Variants in EPM2A observed in about 807,000 individuals in gnomAD.
EPM2A encodes the protein laforin.
A neutral mutation model predicts 26.5 loss-of-function variants in EPM2A; 21 were observed. The observed-to-expected ratio is 0.79, with a 90% CI of 0.56 to 1.14. The LOEUF is 1.14. EPM2A is among the 50% of genes most tolerant of loss of function. EPM2A has a pLI of 0.00. For missense variants in EPM2A, 458 were observed against 440.8 expected (o/e 1.04, Z -0.35); for synonymous variants, 217 against 177.6 (o/e 1.22, Z -1.76).
At chr6:145,523,593 A>G (rs2114776224) in intron 2 of EPM2A, among the ~76,000 whole-genome samples, 1 of 152,260 alleles carries the variant, frequency 6.6e-6, no homozygotes, top group South Asian at 2.1e-4. Flanking sequence ...TGAACATAAG[A>G]CATACATACA....
At chr6:145,448,029 T>C (rs1289281210) in intron 4 of EPM2A, among the ~76,000 whole-genome samples, 1 of 152,142 alleles carries the variant, frequency 6.6e-6, no homozygotes, top group African/African-American at 2.4e-5. Flanking sequence ...GAATACTTAC[T>C]ATGTTTTCCG....
At chr6:145,395,616 C>T (rs985502064) in intron 4 of EPM2A, among the ~76,000 whole-genome samples, 1 of 152,256 alleles carries the variant, frequency 6.6e-6, no homozygotes. Flanking sequence ...AGTCCACTGA[C>T]CTGCTATAAG....
rs957960987 is a variant in EPM2A, at chr6:145,417,351, G to T, written c.556-33254C>A. Among the ~76,000 whole-genome samples the T allele has an allele frequency of 2.0e-5, 3 of 152,122 alleles. No individual in the cohort carries two copies. The East Asian group carries it at 5.8e-4, about 29-fold the overall frequency. ...GCCGCAGAATACAGCTCTCAAAACT[G>T]CCCGTCTCATAGATGCCTTGACCCA... On this transcript the variant is annotated intron_variant, in intron 4 of 4. Transcript: ENST00000638717.
At chr6:145,552,460 C>T (rs574195876) in intron 2 of EPM2A, among the ~76,000 whole-genome samples, 6 of 152,012 alleles carry the variant, frequency 3.9e-5, no homozygotes, top group South Asian at 2.1e-4. Flanking sequence ...AGAAAATCAC[C>T]GTCAGCCTAG....
At chr6:145,633,688 G>A (rs1776434515) in intron 3 of EPM2A, 1 of 152,228 alleles carries the variant, frequency 6.6e-6, no homozygotes, top group East Asian at 1.9e-4. Flanking sequence ...TTATCTTGCA[G>A]ACCATTCACT....
At chr6:145,729,835 T>A (rs867535281) in intron 1 of EPM2A, among the ~76,000 whole-genome samples, 2 of 152,172 alleles carry the variant, frequency 1.3e-5, no homozygotes, top group African/African-American at 2.4e-5. Context: ...GGAAGTGGAA[T>A]GATATGGTTT....
chr6:145,706,689 T>C (rs1005798640), intron 1 of EPM2A, among the ~76,000 whole-genome samples: 1 of 152,190 alleles, frequency 6.6e-6, no homozygotes, highest in Non-Finnish European at 1.5e-5. Context: ...TCCAAAGGAA[T>C]GTGTATACGC....
intron 2 of EPM2A, among the ~76,000 whole-genome samples, chr6:145,506,353 C>T (rs1250471960): frequency 6.6e-6 from 1 of 152,128 alleles, no homozygotes; most frequent in Non-Finnish European, 1.5e-5. Context: ...GAATTCCACT[C>T]CTGGCATTTT....
At chr6:145,402,711 C>T (rs183562824) in intron 4 of EPM2A, among the ~76,000 whole-genome samples, 22 of 152,192 alleles carry the variant, frequency 1.4e-4, no homozygotes, top group East Asian at 1.3e-3. Context: ...AGAGCACAGG[C>T]AAACGGATTA....
At chr6:145,446,070 A>C (rs6937347) in intron 4 of EPM2A, among the ~76,000 whole-genome samples, 118,286 of 152,076 alleles carry the variant, frequency 0.78, 46,252 homozygotes, top group East Asian at 0.9. Flanking sequence ...AAGCTGAGCC[A>C]CAAGCCAACA....
intron 4 of EPM2A, among the ~76,000 whole-genome samples, chr6:145,453,938 T>C (rs1169092044): frequency 6.6e-6 from 1 of 152,234 alleles, no homozygotes; most frequent in African/African-American, 2.4e-5. Context: ...CATTTGAGTG[T>C]GTCTAACGCA....
intron 2 of EPM2A, among the ~76,000 whole-genome samples, chr6:145,560,252 G>A (rs757010334): frequency 6.6e-6 from 1 of 151,982 alleles, no homozygotes; most frequent in Admixed American, 6.6e-5. Context: ...GAATCTTTTC[G>A]ATGCAATCCA....
intron 4 of EPM2A, among the ~76,000 whole-genome samples, chr6:145,444,730 G>T (rs1036853569): frequency 6.6e-6 from 1 of 151,922 alleles, no homozygotes; most frequent in African/African-American, 2.4e-5. Context: ...GCATTAGCAC[G>T]CTATCTTATT....
At chr6:145,577,118 G>A (rs1781042515) in intron 2 of EPM2A, among the ~76,000 whole-genome samples, 1 of 151,690 alleles carries the variant, frequency 6.6e-6, no homozygotes, top group Non-Finnish European at 1.5e-5. Flanking sequence ...AAGAAAGGAA[G>A]AGAGGACTAA....
intron 4 of EPM2A, among the ~76,000 whole-genome samples, chr6:145,434,259 TC>T (rs1341843227): frequency 5.7e-4 from 86 of 151,008 alleles, no homozygotes; most frequent in Non-Finnish European, 9.4e-4. Flanking sequence ...TTTTTATCTC[TC>T]TCTCTCTTTT....
intron 2 of EPM2A, among the ~76,000 whole-genome samples, chr6:145,591,291 T>C (rs1781270284): frequency 6.6e-6 from 1 of 152,006 alleles, no homozygotes; most frequent in African/African-American, 2.4e-5. Context: ...CTATTGGAAG[T>C]TACAATGGTT....
chr6:145,524,639 G>A (rs1780246851), intron 2 of EPM2A, among the ~76,000 whole-genome samples: 1 of 151,696 alleles, frequency 6.6e-6, no homozygotes, highest in Non-Finnish European at 1.5e-5. Context: ...TTTTTTGCTT[G>A]TTAAGTTCCT....
chr6:145,720,065 A>T (rs1420147329), intron 1 of EPM2A, among the ~76,000 whole-genome samples: 1 of 152,140 alleles, frequency 6.6e-6, no homozygotes, highest in African/African-American at 2.4e-5. Context: ...AGTTAGATTG[A>T]TTCACTAATG....
chr6:145,602,053 A>G (rs2128550328), intron 2 of EPM2A, among the ~76,000 whole-genome samples: 1 of 152,256 alleles, frequency 6.6e-6, no homozygotes, highest in East Asian at 1.9e-4. Context: ...GTGTTACATG[A>G]ATTCTCTTTG....
Sources: allele counts gnomAD v4.1 joint callset (sites outside exome capture counted in the v4.1 genomes callset), GRCh38; gene constraint gnomAD v4.1.1; transcripts MANE v1.5; gene names NCBI Gene and HGNC (gene_info 2026-07-23, HGNC 2026-07-21).